CCNY: variants seen among roughly 807,000 people sequenced by gnomAD.
CCNY encodes the protein cyclin-Y.
In CCNY, 19 loss-of-function variants were observed where a neutral mutation model predicts 42.8. The observed-to-expected ratio is 0.44, with a 90% CI of 0.31 to 0.65. The LOEUF is 0.65. CCNY is among the 30% of genes least tolerant of loss of function. CCNY has a pLI of 0.07. For missense variants in CCNY, 370 were observed against 437.3 expected (o/e 0.85, Z 1.37); for synonymous variants, 165 against 162.7 (o/e 1.01, Z -0.11).
rs1564456286 is a variant in CCNY, at chr10:35,553,089, T to C, written c.650T>C (p.Leu217Ser). 2 of 1,614,192 alleles carry C rather than the reference T, an allele frequency of 1.2e-6. No homozygotes were observed. The highest frequency in any genetic ancestry group is 1.7e-6 in the Non-Finnish European group (2 of 1,180,036). Reference sequence around the variant, plus strand: ...CCGGCCAACTGGAAGCGGATTGTTTTAGGGGCGATCCTGCTGGCCTCCAAG... The same window carrying C: ...CCGGCCAACTGGAAGCGGATTGTTTCAGGGGCGATCCTGCTGGCCTCCAAG... ...ICPANWKRIV[L>S]GAILLASKVW... Residue 217 changes from leucine to serine, a missense_variant, in exon 8 of 10, where the codon TTA (leucine) becomes TCA (serine). Physicochemically the swap from Leu to Ser is moderately radical, Grantham distance 145. Transcript: ENST00000374704.
In CCNY at chr10:35,403,327, G is replaced by C. The variant is rs546952757; in HGVS notation, c.154+66120G>C. Among the ~76,000 whole-genome samples, 191 of 152,314 alleles carry C rather than the reference G, an allele frequency of 1.3e-3. 4 individuals are homozygous for C. In the South Asian group the frequency reaches 0.027, roughly 21 times the overall value. On this transcript the variant is annotated intron_variant, in intron 1 of 9. Transcript: ENST00000374704. ...AAGAATGGGCTTGTGAGGCTGGAAG[G>C]AGATATTTTCCTTGGTCTAAGAACC... is the stretch of plus-strand genomic sequence containing the variant.
chr10:35,462,841 T>C lies in CCNY; in HGVS notation c.155-20563T>C, dbSNP rs143033961. Reference sequence around the variant, plus strand: ...GAGGGCTCTTTCCATTGAGCGCCTCTGCAGGGTGCACTGCTGTGCTGTGAG... The same window carrying C: ...GAGGGCTCTTTCCATTGAGCGCCTCCGCAGGGTGCACTGCTGTGCTGTGAG... On this transcript the variant is annotated intron_variant, in intron 1 of 9. Transcript: ENST00000374704. Among the ~76,000 whole-genome samples the C allele has an allele frequency of 2.6e-4, 40 of 152,378 alleles. No individual in the cohort carries two copies. The East Asian group carries it at 7.7e-3, about 29-fold the overall frequency.
chr10:35,411,109 A>C (rs1251758261), intron 1 of CCNY, among the ~76,000 whole-genome samples: 1 of 152,212 alleles, frequency 6.6e-6, no homozygotes, highest in Non-Finnish European at 1.5e-5. Flanking sequence ...AAGTAATTTC[A>C]TCAGGGACTC....
At chr10:35,483,829 A>C (rs1839726160) in intron 2 of CCNY, among the ~76,000 whole-genome samples, 1 of 152,210 alleles carries the variant, frequency 6.6e-6, no homozygotes, top group African/African-American at 2.4e-5. Context: ...ACAGTATGTA[A>C]AAGAAAGCAA....
intron 1 of CCNY, among the ~76,000 whole-genome samples, chr10:35,409,423 G>A (rs1837855502): frequency 6.6e-6 from 1 of 152,142 alleles, no homozygotes; most frequent in African/African-American, 2.4e-5. Flanking sequence ...GCTGCTGTCT[G>A]GGCATCTGTG....
chr10:35,343,867 T>A (rs930405046), intron 1 of CCNY, among the ~76,000 whole-genome samples: 1 of 152,220 alleles, frequency 6.6e-6, no homozygotes, highest in Non-Finnish European at 1.5e-5. Context: ...CACATTGGAT[T>A]GACTTTGAGG....
chr10:35,264,378 T>C (rs904820434), intron 3 of CCNY, among the ~76,000 whole-genome samples: 13 of 152,176 alleles, frequency 8.5e-5, no homozygotes, highest in African/African-American at 2.9e-4. Flanking sequence ...TCTAGGTCTT[T>C]GAGAATCACC....
chr10:35,539,585 G>A (rs1427445240), intron 7 of CCNY, among the ~76,000 whole-genome samples: 8 of 152,032 alleles, frequency 5.3e-5, no homozygotes, highest in African/African-American at 9.7e-5. Context: ...TCAAGAGATC[G>A]AGACCATCCT....
intron 3 of CCNY, among the ~76,000 whole-genome samples, chr10:35,513,354 T>TAA (rs893238764): frequency 2.0e-5 from 3 of 152,214 alleles, no homozygotes; most frequent in African/African-American, 7.2e-5. Context: ...CCAAGACACT[T>TAA]ACTGTATTTG....
intron 2 of CCNY, among the ~76,000 whole-genome samples, chr10:35,491,269 A>G (rs1039862114): frequency 1.3e-5 from 2 of 152,212 alleles, no homozygotes; most frequent in Admixed American, 6.5e-5. Context: ...ATAACTTCCT[A>G]TAAATTGACA....
chr10:35,471,733 T>A (rs1839395531), intron 1 of CCNY, among the ~76,000 whole-genome samples: 1 of 152,230 alleles, frequency 6.6e-6, no homozygotes, highest in Non-Finnish European at 1.5e-5. Context: ...TCTTTGAATA[T>A]TTTAATTCAG....
At chr10:35,408,674 A>G (rs1048268524) in intron 1 of CCNY, among the ~76,000 whole-genome samples, 1 of 152,150 alleles carries the variant, frequency 6.6e-6, no homozygotes, top group African/African-American at 2.4e-5. Context: ...GTGGATCTTT[A>G]GTTGCTTCAG....
chr10:35,300,089 C>G (rs776270920), intron 3 of CCNY, among the ~76,000 whole-genome samples: 1 of 152,224 alleles, frequency 6.6e-6, no homozygotes, highest in Non-Finnish European at 1.5e-5. Context: ...CTGGGGACTG[C>G]TCCTCTTACA....
intron 1 of CCNY, among the ~76,000 whole-genome samples, chr10:35,374,298 A>G (rs1301182243): frequency 6.6e-6 from 1 of 152,198 alleles, no homozygotes; most frequent in African/African-American, 2.4e-5. Flanking sequence ...TACATTTGAC[A>G]TTGTTTCCAG....
At chr10:35,373,610 TCTTC>T (rs1836986358) in intron 1 of CCNY, among the ~76,000 whole-genome samples, 1 of 152,204 alleles carries the variant, frequency 6.6e-6, no homozygotes, top group Admixed American at 6.5e-5. Flanking sequence ...TTCTTCCTCA[TCTTC>T]CTTCAACCTG....
At chr10:35,279,367 G>A (rs891159420) in intron 3 of CCNY, among the ~76,000 whole-genome samples, 1 of 152,044 alleles carries the variant, frequency 6.6e-6, no homozygotes, top group Non-Finnish European at 1.5e-5. Context: ...ACCTGCCTCA[G>A]CCTCCCAAAG....
chr10:35,457,375 C>T (rs974253555), intron 1 of CCNY, among the ~76,000 whole-genome samples: 1 of 152,196 alleles, frequency 6.6e-6, no homozygotes, highest in African/African-American at 2.4e-5. Context: ...GTCCACAGGT[C>T]TCTCTCGTGT....
At chr10:35,492,014 G>A (rs747718832) in intron 2 of CCNY, among the ~76,000 whole-genome samples, 1 of 152,132 alleles carries the variant, frequency 6.6e-6, no homozygotes, top group Non-Finnish European at 1.5e-5. Flanking sequence ...TATATGCCCT[G>A]AATTTCTCCC....
intron 3 of CCNY, among the ~76,000 whole-genome samples, chr10:35,254,262 A>G (rs1406881438): frequency 6.6e-6 from 1 of 152,158 alleles, no homozygotes; most frequent in African/African-American, 2.4e-5. Flanking sequence ...CTGAAATTAA[A>G]TATGATTTAA....
Sources: gnomAD v4.1 joint callset for allele counts (sites outside exome capture counted in the v4.1 genomes callset) on GRCh38, gnomAD v4.1.1 for gene constraint, MANE v1.5 for transcripts, NCBI Gene and HGNC (gene_info 2026-07-23, HGNC 2026-07-21) for gene names.